SMPD4: variants seen among roughly 807,000 people sequenced by gnomAD.
SMPD4 encodes neutral sphingomyelinase 3.
Under a neutral mutation model 97.8 loss-of-function variants are expected in SMPD4, and 58 were observed. The observed-to-expected ratio is 0.59, with a 90% CI of 0.48 to 0.74. The LOEUF is 0.74. Ranked by LOEUF, SMPD4 falls within the 30% of genes least tolerant of loss-of-function variation. SMPD4 has a pLI of 0.00. For synonymous variants in SMPD4, 388 were observed against 450.0 expected (o/e 0.86, Z 1.74); for missense variants, 853 against 1,080.5 (o/e 0.79, Z 2.95).
In SMPD4 at chr2:130,151,713, C is replaced by T. The variant is rs990632032; in HGVS notation, c.*842G>A. On this transcript the variant is annotated 3_prime_UTR_variant, in exon 20 of 20. Coordinates refer to ENST00000680298, the MANE Select transcript of SMPD4 (RefSeq NM_017951.5). ...TTTTGAATACTTAAGTACCACTGAA[C>T]GGTTGCCATGTCTTTGAGCACTTGA... is the stretch of plus-strand genomic sequence containing the variant. 7.4e-5 allele frequency: 11 copies of T among 149,266 alleles called. No individual in the cohort carries two copies. The highest frequency in any genetic ancestry group is 2.7e-4 in the Admixed American group (4 of 14,870). 9.2% of individuals were successfully genotyped at this position (149,266 alleles called of 1,614,324 possible).
At chr2:130,159,493 G>C (rs1427050303) in intron 11 of SMPD4, 1 of 152,112 alleles carries the variant, frequency 6.6e-6, no homozygotes, top group Non-Finnish European at 1.5e-5. Flanking sequence ...ACAAAAATTA[G>C]CCGGGTGGGT....
chr2:130,152,671 C>T lies in SMPD4; in HGVS notation c.2368G>A (p.Ala790Thr), dbSNP rs1261894118. ...LVSLLLAFFV[A>T]SLFCVGPLPC... ...AGGGGCCCGACGCAGAACAGAGAGG[C>T]CACGAAGAAGGCCAGCAGCAGCGAG... is the stretch of plus-strand genomic sequence containing the variant. Residue 790 changes from alanine (A) to threonine (T), a missense_variant, in exon 20 of 20, where the codon GCC (alanine) becomes ACC (threonine). Physicochemically the swap from Ala to Thr is moderately conservative, Grantham distance 58 (BLOSUM62 0). Coordinates refer to ENST00000680298, the MANE Select transcript of SMPD4 (RefSeq NM_017951.5). 28 of 1,568,296 alleles carry T rather than the reference C, an allele frequency of 1.8e-5. 1 individual carries two copies. The highest frequency in any genetic ancestry group is 2.3e-5 in the Non-Finnish European group (27 of 1,157,682).
chr2:130,158,361 A>G, intron 11 of SMPD4: 1 of 678,816 alleles, frequency 1.5e-6, no homozygotes, highest in Non-Finnish European at 2.1e-6. Flanking sequence ...TCTGTCGCCC[A>G]GGCTGGAGCA....
intron 11 of SMPD4, chr2:130,158,102 T>C: frequency 1.1e-6 from 1 of 934,278 alleles, no homozygotes; most frequent in Non-Finnish European, 1.4e-6. Context: ...ATCGTGCCAC[T>C]GCACTCCAGC....
At position 130,175,582 on chromosome 2, in the gene SMPD4, A is replaced by G. The variant is rs1688914022; in HGVS notation, c.40-582T>C. Among the ~76,000 whole-genome samples, 4 of 152,354 alleles carry G rather than the reference A, an allele frequency of 2.6e-5. No homozygotes were observed. In the East Asian group the frequency reaches 7.7e-4, roughly 29 times the overall value. The stretch of plus-strand genomic sequence containing the variant: ...AAATTATAGATGGCTTCAGCCAAGT[A>G]GACACTAATCATGAAGGCAATGGAG... On this transcript the variant is annotated intron_variant, in intron 2 of 19. Transcript: ENST00000680298.
At position 130,152,807 on chromosome 2, in the gene SMPD4, A is replaced by C. The variant is rs767222507; in HGVS notation, c.2232T>G (p.Pro744=). The C allele has an allele frequency of 6.2e-7, 1 of 1,608,208 alleles. No individual in the cohort carries two copies. The highest frequency in any genetic ancestry group is 8.5e-7 in the Non-Finnish European group (1 of 1,176,816). The change falls in exon 20 of 20, where the codon CCT becomes CCG. Residue 744 remains proline, a synonymous_variant. Coordinates refer to ENST00000680298, the MANE Select transcript of SMPD4 (RefSeq NM_017951.5). ...GSFCRYHLTE[P]GLASRHLLSP... is the part of the protein sequence containing the mutation. ...TCAGCAGGTGCCTGCTGGCCAGCCC[A>C]GGTTCTGTGAGGTGGTAGCGACAGA...
intron 12 of SMPD4, 72 bp downstream of exon 12, chr2:130,157,179 C>T (rs189395415): frequency 3.4e-5 from 52 of 1,537,912 alleles, no homozygotes; most frequent in African/African-American, 3.3e-4. Flanking sequence ...GGGGAGAGGT[C>T]GCTGTGGGCG....
At chr2:130,168,551 A>G (rs1057141423) in intron 8 of SMPD4, among the ~76,000 whole-genome samples, 7 of 151,566 alleles carry the variant, frequency 4.6e-5, no homozygotes, top group African/African-American at 1.7e-4. Flanking sequence ...ACAGGATCGT[A>G]CCCTATCGCC....
Position 130,154,631 on chromosome 2 carries a change from A to C in SMPD4, c.1454-149T>G, listed in dbSNP as rs551540920. On this transcript the variant is annotated intron_variant, in intron 15 of 19. Transcript: ENST00000680298. ...GGCCCTGCCTGGCAGCATCTCCCACACAGTAGGTGGCTGACATGGGGAGGG... is the reference window on the plus strand; with the variant it reads ...GGCCCTGCCTGGCAGCATCTCCCACCCAGTAGGTGGCTGACATGGGGAGGG... 1.5e-4 allele frequency: 166 copies of C among 1,073,922 alleles called. 1 individual carries two copies. In the African/African-American group the frequency reaches 2.5e-3, roughly 16 times the overall value. The allele number at this position is 1,073,922 out of a possible 1,614,324, so 66.5% of individuals were successfully genotyped here.
chr2:130,181,691 G>C (rs1302510698), upstream of SMPD4: 3 of 1,548,372 alleles, frequency 1.9e-6, no homozygotes, highest in Admixed American at 5.9e-5. Flanking sequence ...CGTGCGCAAA[G>C]CGAAGGCCGG....
At chr2:130,181,666 TTACCTCAAA>T (rs1689657538), upstream of SMPD4, 3 of 1,550,778 alleles carry the variant, frequency 1.9e-6, no homozygotes, top group Admixed American at 5.9e-5. Context: ...CTTTGGGCCG[TTACCTCAAA>T]AGGCGCGTGC....
At chr2:130,172,604 C>T (rs542364498) in intron 7 of SMPD4, 21 bp downstream of exon 7, 6 of 1,614,110 alleles carry the variant, frequency 3.7e-6, no homozygotes, top group Non-Finnish European at 5.1e-6. Flanking sequence ...CCTCTCCCAG[C>T]AAAAGGCATC....
At chr2:130,156,777 G>A (rs772248038) in intron 12 of SMPD4, 102 bp from the exon 13 acceptor site, 1 of 1,552,334 alleles carries the variant, frequency 6.4e-7, no homozygotes, top group South Asian at 1.2e-5. Flanking sequence ...TCCGCCGGGG[G>A]AGAGCACTGG....
intron 14 of SMPD4, among the ~76,000 whole-genome samples, chr2:130,155,753 G>A (rs1406730526): frequency 6.6e-6 from 1 of 152,136 alleles, no homozygotes; most frequent in Non-Finnish European, 1.5e-5. Flanking sequence ...GGATAGTTTG[G>A]GGGTGGCTAA....
In SMPD4 at chr2:130,161,327, A is replaced by G. The variant is rs1573686444; in HGVS notation, c.865-55T>C. The G allele has an allele frequency of 7.4e-6, 11 of 1,496,442 alleles. No individual in the cohort carries two copies. In the East Asian group the frequency reaches 9.1e-5, roughly 12 times the overall value. 92.7% of individuals were successfully genotyped at this position (1,496,442 alleles called of 1,614,324 possible). The stretch of plus-strand genomic sequence containing the variant: ...GAGGCCGAAGAGCAGAGGACAAGAG[A>G]ATGGGGTGGGGAAGGGGAGAGATAG... On this transcript the variant is annotated intron_variant, in intron 10 of 19. Coordinates refer to ENST00000680298, the MANE Select transcript of SMPD4 (RefSeq NM_017951.5).
At chr2:130,159,023 A>G (rs187450240) in intron 11 of SMPD4, among the ~76,000 whole-genome samples, 4 of 152,108 alleles carry the variant, frequency 2.6e-5, no homozygotes, top group African/African-American at 7.2e-5. Context: ...TTTTTGAGAC[A>G]GGGTCTCACT....
At chr2:130,178,844 C>A (rs1689218343) in intron 1 of SMPD4, among the ~76,000 whole-genome samples, 1 of 151,894 alleles carries the variant, frequency 6.6e-6, no homozygotes, top group African/African-American at 2.4e-5. Context: ...GATCAGCTTT[C>A]CAGAATCCTA....
At position 130,157,292 on chromosome 2, in the gene SMPD4, G is replaced by A. The variant is rs367891171; in HGVS notation, c.1056C>T (p.Ser352=). Reference sequence around the variant, plus strand: ...GGGGGCTGGTGGCGTGGGAGTGGGCGGAGGGTGAGGCCTGCTCTGGCTTCA... The same window carrying A: ...GGGGGCTGGTGGCGTGGGAGTGGGCAGAGGGTGAGGCCTGCTCTGGCTTCA... ...NSLKPEQASP[S]AHSHATSPLE... The change falls in exon 12 of 20, where the codon TCC becomes TCT. Residue 352 remains serine (S), a synonymous_variant. Transcript: ENST00000680298. 2.6e-5 allele frequency: 40 copies of A among 1,565,732 alleles called. No homozygotes were observed. Among genetic ancestry groups the A allele is most frequent in the Non-Finnish European group, 3.2e-5 (37 of 1,155,290 alleles).
chr2:130,180,347 A>C (rs1689433334), intron 1 of SMPD4, among the ~76,000 whole-genome samples: 1 of 151,148 alleles, frequency 6.6e-6, no homozygotes, highest in African/African-American at 2.4e-5. Flanking sequence ...ATCTCAGCTC[A>C]CTGCAACCTC....
Sources: gnomAD v4.1 joint callset for allele counts (sites outside exome capture counted in the v4.1 genomes callset) on GRCh38, gnomAD v4.1.1 for gene constraint, MANE v1.5 for transcripts, NCBI Gene and HGNC (gene_info 2026-07-23, HGNC 2026-07-21) for gene names.